CALCOCO2: variants seen among roughly 807,000 people sequenced by gnomAD.
CALCOCO2 encodes calcium-binding and coiled-coil domain-containing protein 2.
Under a neutral mutation model 62.5 loss-of-function variants are expected in CALCOCO2, and 42 were observed. The observed-to-expected ratio is 0.67, with a 90% CI of 0.53 to 0.87. CALCOCO2 has a LOEUF of 0.87. Ranked by LOEUF, CALCOCO2 falls within the 40% of genes least tolerant of loss-of-function variation. The probability of loss-of-function intolerance (pLI) is 0.00; values close to 1 mark genes in which losing one functional copy is unlikely to be tolerated. For missense variants in CALCOCO2, 456 were observed against 515.0 expected, an observed-to-expected ratio of 0.89 and a Z score of 1.11; for synonymous variants, 167 against 173.0, an observed-to-expected ratio of 0.97 and a Z score of 0.27.
rs2040374048 is a variant in CALCOCO2, at chr17:48,864,956, A to T, written c.*1951A>T. 6.6e-6 allele frequency: 1 copy of T among 152,216 alleles called. No homozygotes were observed. The highest frequency in any genetic ancestry group is 2.4e-5 in the African/African-American group (1 of 41,458). 9.4% of individuals were successfully genotyped at this position (152,216 alleles called of 1,614,324 possible). On this transcript the variant is annotated 3_prime_UTR_variant, in exon 13 of 13. Transcript: ENST00000258947. The stretch of plus-strand genomic sequence containing the variant: ...TTTTGTACCAGTCAGCTCTTAATTA[A>T]GTACATGAATGGAGAGGAACAGTGG...
intron 1 of CALCOCO2, among the ~76,000 whole-genome samples, chr17:48,840,261 C>G (rs961503564): frequency 2.0e-5 from 3 of 152,076 alleles, no homozygotes; most frequent in Non-Finnish European, 4.4e-5. Flanking sequence ...TCCCGAGTAG[C>G]TGGGACTGCA....
intron 10 of CALCOCO2, among the ~76,000 whole-genome samples, chr17:48,858,465 G>T (rs1386039395): frequency 6.6e-6 from 1 of 151,982 alleles, no homozygotes; most frequent in Non-Finnish European, 1.5e-5. Context: ...GAGTAGCTAG[G>T]ATTGCAGGTG....
intron 2 of CALCOCO2, among the ~76,000 whole-genome samples, chr17:48,843,427 C>T (rs2040002523): frequency 6.6e-6 from 1 of 152,200 alleles, no homozygotes; most frequent in Admixed American, 6.5e-5. Context: ...TTTGCCAGTG[C>T]TATTCATCCT....
At chr17:48,833,250 C>A (rs757748511) in intron 1 of CALCOCO2, among the ~76,000 whole-genome samples, 41 of 152,116 alleles carry the variant, frequency 2.7e-4, no homozygotes, top group Non-Finnish European at 5.1e-4. Flanking sequence ...AATTGCTAAT[C>A]GTTTAGAAAG....
intron 8 of CALCOCO2, 60 bp from the exon 9 acceptor site, chr17:48,852,866 G>GGT (rs1208056960): frequency 9.4e-5 from 120 of 1,272,530 alleles, no homozygotes; most frequent in Non-Finnish European, 1.3e-4. Flanking sequence ...GCCCTTCCAT[G>GGT]GTGTGTGTGT....
At chr17:48,852,749 G>A in intron 8 of CALCOCO2, 121 bp downstream of exon 8, 2 of 1,079,652 alleles carry the variant, frequency 1.9e-6, no homozygotes, top group South Asian at 1.5e-5. Flanking sequence ...TTAGGAAAGG[G>A]CTCAGAGGAA....
chr17:48,831,717 A>G (rs577023875), intron 1 of CALCOCO2: 4 of 152,138 alleles, frequency 2.6e-5, no homozygotes, highest in Non-Finnish European at 5.9e-5. Flanking sequence ...CCACTCGTAT[A>G]TTATTTCAAC....
chr17:48,845,102 C>A (rs952436278), intron 2 of CALCOCO2, among the ~76,000 whole-genome samples: 2 of 151,908 alleles, frequency 1.3e-5, no homozygotes, highest in African/African-American at 4.8e-5. Context: ...TGCCACTGCA[C>A]TCCAGCCTGG....
intron 4 of CALCOCO2, chr17:48,848,713 A>C (rs901604622): frequency 1.7e-6 from 1 of 574,254 alleles, no homozygotes; most frequent in Admixed American, 2.6e-5. Flanking sequence ...CCAATTGCTT[A>C]ATTTTTGTCA....
intron 1 of CALCOCO2, among the ~76,000 whole-genome samples, chr17:48,832,355 C>T (rs1358318252): frequency 6.6e-6 from 1 of 152,226 alleles, no homozygotes; most frequent in African/African-American, 2.4e-5. Flanking sequence ...GATGGCGCCA[C>T]TGCACTCCAG....
At chr17:48,848,595 T>C (rs1466120215) in intron 4 of CALCOCO2, 140 bp downstream of exon 4, 1 of 761,822 alleles carries the variant, frequency 1.3e-6, no homozygotes, top group African/African-American at 1.7e-5. Context: ...TCACACAGAC[T>C]CACTCAGGAA....
intron 2 of CALCOCO2, chr17:48,842,154 C>CTTTTTTTTTTTTTTTTTTTTTTTTT (rs200836727): frequency 3.0e-5 from 4 of 135,482 alleles, no homozygotes; most frequent in Non-Finnish European, 6.0e-5. Context: ...TTTTTCTTTT[C>CTTTTTTTTTTTTTTTTTTTTTTTTT]TTTTTTTTTT....
intron 4 of CALCOCO2, 133 bp downstream of exon 4, chr17:48,848,588 C>A: frequency 2.6e-6 from 2 of 778,818 alleles, no homozygotes; most frequent in Non-Finnish European, 4.4e-6. Context: ...GTAGTACTCA[C>A]ACAGACTCAC....
intron 2 of CALCOCO2, among the ~76,000 whole-genome samples, chr17:48,843,561 G>T (rs929323728): frequency 3.3e-5 from 5 of 152,214 alleles, no homozygotes; most frequent in Non-Finnish European, 7.3e-5. Flanking sequence ...GAAGCTGGAG[G>T]TAACAAGACT....
intron 10 of CALCOCO2, chr17:48,856,575 C>T (rs1470425509): frequency 2.2e-6 from 1 of 456,612 alleles, no homozygotes; most frequent in African/African-American, 2.0e-5. Context: ...TGCTGCCAAA[C>T]CAGGAGCAGA....
At chr17:48,844,664 C>A (rs1482941705) in intron 2 of CALCOCO2, among the ~76,000 whole-genome samples, 1 of 152,040 alleles carries the variant, frequency 6.6e-6, no homozygotes, top group Non-Finnish European at 1.5e-5. Context: ...ATGACAGGGA[C>A]CCACCACCAT....
At chr17:48,854,231 G>A (rs1213590894) in intron 9 of CALCOCO2, among the ~76,000 whole-genome samples, 1 of 136,672 alleles carries the variant, frequency 7.3e-6, no homozygotes, top group African/African-American at 2.8e-5. Flanking sequence ...CAGGAGAATC[G>A]CTTGAACCTG....
At chr17:48,835,653 T>C (rs1345143578) in intron 1 of CALCOCO2, among the ~76,000 whole-genome samples, 4 of 152,340 alleles carry the variant, frequency 2.6e-5, no homozygotes, top group Non-Finnish European at 5.9e-5. Flanking sequence ...ATGAGCTCTT[T>C]CGTGTTGTCT....
chr17:48,857,493 G>A (rs1217313630), intron 10 of CALCOCO2, among the ~76,000 whole-genome samples: 10 of 24,324 alleles, frequency 4.1e-4, no homozygotes, highest in East Asian at 2.3e-3. Context: ...CACTGCACCC[G>A]GCCCTTTTTT....
Sources: gnomAD v4.1 joint callset for allele counts (sites outside exome capture counted in the v4.1 genomes callset) on GRCh38, gnomAD v4.1.1 for gene constraint, MANE v1.5 for transcripts, NCBI Gene and HGNC (gene_info 2026-07-23, HGNC 2026-07-21) for gene names.